Variants in PTPRD observed in about 807,000 individuals in gnomAD.
PTPRD encodes the protein receptor-type tyrosine-protein phosphatase delta.
A neutral mutation model predicts 214.5 loss-of-function variants in PTPRD; 34 were observed. The observed-to-expected ratio is 0.16, with a 90% confidence interval of 0.12 to 0.21. The LOEUF is 0.21. Among genes scored for constraint, PTPRD ranks in the 10% least tolerant of loss-of-function variants. The pLI, the probability that PTPRD is intolerant of heterozygous loss-of-function variation, is 1.00. For missense variants in PTPRD, 2,545 were observed against 2,398.7 expected (o/e 1.06, Z -1.27); for synonymous variants, 1,128 against 845.7 (o/e 1.33, Z -5.79).
At chr9:9,233,670 C>A (rs964917847) in intron 9 of PTPRD, among the ~76,000 whole-genome samples, 1 of 152,206 alleles carries the variant, frequency 6.6e-6, no homozygotes, top group East Asian at 1.9e-4. Context: ...GGTAAATACA[C>A]CCATTCCAAA....
chr9:8,767,053 C>G lies in PTPRD; in HGVS notation c.-103-33107G>C, dbSNP rs546704334. Among the ~76,000 whole-genome samples, 31 of 152,206 alleles carry G rather than the reference C, an allele frequency of 2.0e-4. No individual in the cohort carries two copies. In the South Asian group the frequency reaches 6.4e-3, roughly 32 times the overall value. The stretch of plus-strand genomic sequence containing the variant: ...GAAAAAGAGAAATAGATAATGCCCC[C>G]AAATCAAACAAAACCAAAATGAAGA... On this transcript the variant is annotated intron_variant, in intron 11 of 45. Coordinates refer to ENST00000381196, the MANE Select transcript of PTPRD (RefSeq NM_002839.4).
chr9:9,689,141 C>T (rs896931221), intron 7 of PTPRD, among the ~76,000 whole-genome samples: 2 of 151,734 alleles, frequency 1.3e-5, no homozygotes, highest in East Asian at 1.9e-4. Flanking sequence ...AATTGTATAA[C>T]GATAAAAATT....
chr9:8,845,149 T>A (rs2097662497), intron 11 of PTPRD, among the ~76,000 whole-genome samples: 1 of 147,792 alleles, frequency 6.8e-6, no homozygotes, highest in Non-Finnish European at 1.5e-5. Flanking sequence ...TAAAATGAGG[T>A]CTCTAAAATC....
intron 7 of PTPRD, among the ~76,000 whole-genome samples, chr9:9,649,179 G>C (rs12351554): frequency 0.23 from 34,952 of 152,020 alleles, 4,411 homozygotes; most frequent in Admixed American, 0.38. Flanking sequence ...TTTTCTAGGA[G>C]GCTCCTCATT....
In PTPRD at chr9:9,309,219, G is replaced by GT. The variant is rs1234324969; in HGVS notation, c.-203+88229dup. ...GTTCCTGCCTGAACTGTATGTTTTT[G>GT]TTTTTTTTTTTAATTTTTCTTTGCT... On this transcript the variant is annotated intron_variant, in intron 9 of 45. Coordinates refer to ENST00000381196, the MANE Select transcript of PTPRD (RefSeq NM_002839.4). Among the ~76,000 whole-genome samples, 306 of 142,574 alleles carry GT rather than the reference G, an allele frequency of 2.1e-3. 2 individuals carry two copies. The highest frequency in any genetic ancestry group is 0.016 in the East Asian group (78 of 4,920). The allele number at this position is 142,574 out of a possible 152,430, so 93.5% of individuals were successfully genotyped here. A position where few individuals can be genotyped will look rare whatever the true frequency, so the allele number is the denominator to read the frequency against.
chr9:8,470,743 C>A (rs1379486753), intron 31 of PTPRD, among the ~76,000 whole-genome samples: 1 of 152,116 alleles, frequency 6.6e-6, no homozygotes, highest in African/African-American at 2.4e-5. Context: ...GAGCAAGGGG[C>A]AAAATGTTAA....
intron 34 of PTPRD, among the ~76,000 whole-genome samples, chr9:8,442,374 T>C (rs2095576091): frequency 6.6e-6 from 1 of 151,956 alleles, no homozygotes; most frequent in African/African-American, 2.4e-5. Flanking sequence ...TAAATGCCAA[T>C]AGGCACTATA....
chr9:10,266,890 C>T (rs141362367), intron 3 of PTPRD, among the ~76,000 whole-genome samples: 1,727 of 152,044 alleles, frequency 0.011, 38 homozygotes, highest in African/African-American at 0.039. Context: ...ATAATTTCTG[C>T]CTTTAAAAGT....
At chr9:9,963,792 G>C (rs887587492) in intron 4 of PTPRD, among the ~76,000 whole-genome samples, 3 of 152,100 alleles carry the variant, frequency 2.0e-5, no homozygotes, top group Non-Finnish European at 2.9e-5. Context: ...AGTTCCTGAA[G>C]GGTACCATGC....
At chr9:9,952,252 G>A (rs1566666154) in intron 4 of PTPRD, among the ~76,000 whole-genome samples, 1 of 152,120 alleles carries the variant, frequency 6.6e-6, no homozygotes, top group Non-Finnish European at 1.5e-5. Context: ...CCTGGTTAAA[G>A]GTGGGACATT....
intron 12 of PTPRD, among the ~76,000 whole-genome samples, chr9:8,646,866 G>A (rs1198014241): frequency 6.6e-6 from 1 of 152,176 alleles, no homozygotes; most frequent in Non-Finnish European, 1.5e-5. Flanking sequence ...GGTAAAGGCT[G>A]TCCCAGATAC....
At chr9:9,245,789 C>T (rs1054936359) in intron 9 of PTPRD, among the ~76,000 whole-genome samples, 3 of 151,972 alleles carry the variant, frequency 2.0e-5, no homozygotes, top group African/African-American at 4.8e-5. Context: ...TAAATATATA[C>T]AATGTCCCTT....
chr9:9,198,620 G>A (rs2099940052), intron 9 of PTPRD, among the ~76,000 whole-genome samples: 1 of 152,142 alleles, frequency 6.6e-6, no homozygotes. Context: ...ATTTCAATGT[G>A]CTGGATTACC....
intron 3 of PTPRD, among the ~76,000 whole-genome samples, chr9:10,288,848 TA>T (rs1340927068): frequency 6.6e-6 from 1 of 152,126 alleles, no homozygotes; most frequent in African/African-American, 2.4e-5. Context: ...TCAGAGATGC[TA>T]AAATTGGATT....
chr9:9,613,123 T>TATAC (rs1261914205), intron 7 of PTPRD, among the ~76,000 whole-genome samples: 2 of 43,902 alleles, frequency 4.6e-5, no homozygotes, highest in African/African-American at 1.4e-4. Context: ...TAGGCTGCAG[T>TATAC]ATACATACAT....
chr9:9,799,529 T>C (rs935898108), intron 5 of PTPRD: 1 of 152,180 alleles, frequency 6.6e-6, no homozygotes, highest in Non-Finnish European at 1.5e-5. Flanking sequence ...ATACACTGTG[T>C]TTCCTTGGGG....
chr9:9,085,433 C>A (rs776122692), intron 10 of PTPRD, among the ~76,000 whole-genome samples: 1 of 152,106 alleles, frequency 6.6e-6, no homozygotes, highest in Non-Finnish European at 1.5e-5. Context: ...TAAGCTTTGA[C>A]GGGTACTAAT....
At chr9:9,843,589 C>T (rs1240820353) in intron 5 of PTPRD, among the ~76,000 whole-genome samples, 2 of 151,790 alleles carry the variant, frequency 1.3e-5, no homozygotes, top group Non-Finnish European at 2.9e-5. Context: ...TGCCTCTCCA[C>T]CCACACATTT....
intron 3 of PTPRD, among the ~76,000 whole-genome samples, chr9:10,265,742 A>C (rs1443157880): frequency 6.6e-6 from 1 of 152,224 alleles, no homozygotes; most frequent in Non-Finnish European, 1.5e-5. Context: ...GACCTGATCC[A>C]TAGGCAACAG....
Sources: allele counts gnomAD v4.1 joint callset (sites outside exome capture counted in the v4.1 genomes callset), GRCh38; gene constraint gnomAD v4.1.1; transcripts MANE v1.5; gene names NCBI Gene and HGNC (gene_info 2026-07-23, HGNC 2026-07-21).